Variants in INPP5J observed in about 807,000 individuals in gnomAD.
INPP5J encodes the protein phosphatidylinositol 4,5-bisphosphate 5-phosphatase A.
Under a neutral mutation model 86.6 loss-of-function variants are expected in INPP5J, and 75 were observed. The ratio of observed to expected loss-of-function variants is 0.87; its 90% CI spans 0.72 to 1.05. The LOEUF (loss-of-function observed/expected upper bound fraction) is 1.05, where lower values mean the gene tolerates loss of function less well. Among genes scored for constraint, INPP5J ranks in the 50% least tolerant of loss-of-function variants. The probability of loss-of-function intolerance (pLI) is 0.00; values close to 1 mark genes in which losing one functional copy is unlikely to be tolerated. For missense variants in INPP5J, 1,229 were observed against 1,341.2 expected (o/e 0.92, Z 1.31); for synonymous variants, 540 against 550.0 (o/e 0.98, Z 0.25).
At chr22:31,129,401 C>A (rs527513100) in intron 9 of INPP5J, among the ~76,000 whole-genome samples, 1 of 148,398 alleles carries the variant, frequency 6.7e-6, no homozygotes, top group South Asian at 2.2e-4. Flanking sequence ...CCGTCATGCC[C>A]GGCTAATTTT....
In INPP5J at chr22:31,127,351, CCCTA is replaced by C. The variant is rs1602733051; in HGVS notation, c.1612-5_1612-2del. The C allele has an allele frequency of 1.2e-6, 2 of 1,605,404 alleles. No homozygotes were observed. Among genetic ancestry groups the C allele is most frequent in the Non-Finnish European group, 1.7e-6 (2 of 1,175,744 alleles). On this transcript the variant is annotated splice_acceptor_variant and splice_polypyrimidine_tract_variant and intron_variant, in intron 5 of 12. Transcript: ENST00000331075. LOFTEE classifies it high-confidence loss of function. The stretch of plus-strand genomic sequence containing the variant: ...GCCCATGAGCCATCCGACCCTGCCT[CCCTA>C]GGGTAACAAGGGTGGCGTGAGCGTG...
chr22:31,127,139 CT>C, intron 5 of INPP5J, 102 bp downstream of exon 5: 1 of 906,114 alleles, frequency 1.1e-6, no homozygotes, highest in Non-Finnish European at 1.7e-6. Context: ...ATCCTCCACC[CT>C]TTACCCTGCG....
Position 31,127,427 on chromosome 22 carries a change from T to C in INPP5J, c.1682T>C (p.Leu561Ser). The C allele has an allele frequency of 6.2e-7, 1 of 1,613,868 alleles. No individual in the cohort carries two copies. Among genetic ancestry groups the C allele is most frequent in the South Asian group, 1.1e-5 (1 of 91,048 alleles). Residue 561 changes from leucine (L) to serine (S), a missense_variant, in exon 6 of 13, where the codon TTG (leucine) becomes TCG (serine). Transcript: ENST00000331075. The part of the protein sequence containing the change: ...GHMLCFLNCH[L>S]PAHMDKAEQR... Reference sequence around the variant, plus strand: ...ATGCTCTGCTTCCTGAACTGCCACTTGCCTGCGCATATGGACAAGGCGGAG... The same window carrying C: ...ATGCTCTGCTTCCTGAACTGCCACTCGCCTGCGCATATGGACAAGGCGGAG...
At chr22:31,131,144 G>A (rs1922029821) in intron 9 of INPP5J, among the ~76,000 whole-genome samples, 1 of 152,208 alleles carries the variant, frequency 6.6e-6, no homozygotes, top group South Asian at 2.1e-4. Flanking sequence ...CGCTTGGCCT[G>A]CCATGACCTC....
rs1187068647 is a variant in INPP5J, at chr22:31,126,479, A to T, written c.1375A>T (p.Ile459Phe). ...GGDDSDGADM[I>F]AIGLQEVNSM... ...TGACGACAGCGACGGCGCAGACATG[A>T]TCGCCATAGGGTGAGGTGGCAGGGC... Residue 459 changes from isoleucine (I) to phenylalanine (F), a missense_variant, in exon 3 of 13, where the codon ATC (isoleucine) becomes TTC (phenylalanine). Ile to Phe is a conservative substitution (Grantham distance 21, BLOSUM62 0). Transcript: ENST00000331075. 2.5e-6 allele frequency: 4 copies of T among 1,613,484 alleles called. No individual in the cohort carries two copies. Among genetic ancestry groups the T allele is most frequent in the African/African-American group, 1.3e-5 (1 of 74,890 alleles).
At chr22:31,123,198 C>T (rs1327688359) in intron 1 of INPP5J, 79 bp downstream of exon 1, 3 of 851,438 alleles carry the variant, frequency 3.5e-6, no homozygotes, top group East Asian at 6.7e-5. Flanking sequence ...ACTGCAGGCT[C>T]CCTGGTGCTC....
At position 31,133,112 on chromosome 22, in the gene INPP5J, C is replaced by T. The variant is rs1157568651; in HGVS notation, c.2208C>T (p.Asp736=). Reference sequence around the variant, plus strand: ...TGCCTGGACAGTTTGCCTTCAGGGACGACATGCCACTGGTGCGGCTGGAGG... The same window carrying T: ...TGCCTGGACAGTTTGCCTTCAGGGATGACATGCCACTGGTGCGGCTGGAGG... ...AQFLLQFAFR[D]DMPLVRLEVA... is the part of the protein sequence containing the mutation. The change falls in exon 10 of 13, where the codon GAC becomes GAT. Residue 736 remains aspartate (D), a synonymous_variant. Transcript: ENST00000331075. 5.8e-6 allele frequency: 9 copies of T among 1,563,118 alleles called. No homozygotes were observed. Among genetic ancestry groups the T allele is most frequent in the South Asian group, 2.4e-5 (2 of 84,902 alleles).
chr22:31,126,979 T>C lies in INPP5J; in HGVS notation c.1553T>C (p.Leu518Pro). 1.2e-6 allele frequency: 2 copies of C among 1,610,578 alleles called. No individual in the cohort carries two copies. Among genetic ancestry groups the C allele is most frequent in the Non-Finnish European group, 1.7e-6 (2 of 1,178,504 alleles). ...CTGCTGTTCGCCAAGTACTACCACC[T>C]GCCCTTCCTGCGAGACGTGCAGACC... ...ILLLFAKYYH[L>P]PFLRDVQTDC... The change falls in exon 5 of 13, where the codon CTG becomes CCG. Residue 518 changes from leucine to proline, a missense_variant. By Grantham distance (98) the Leu-to-Pro change is moderately conservative (BLOSUM62 -3). Transcript: ENST00000331075.
In INPP5J at chr22:31,134,082, C is replaced by A; in HGVS notation, c.2684C>A (p.Pro895His). ...CGCAGCCCGGGACTGGCCAGGTTCC[C>A]TGGGCTTGCCCTACGGCCCTCATCC... ...RSRSPGLARF[P>H]GLALRPSSRE... The change falls in exon 13 of 13, where the codon CCT becomes CAT. Residue 895 changes from proline to histidine, a missense_variant. Transcript: ENST00000331075. The A allele has an allele frequency of 6.4e-7, 1 of 1,564,442 alleles. No individual in the cohort carries two copies. The highest frequency in any genetic ancestry group is 8.7e-7 in the Non-Finnish European group (1 of 1,155,622).
chr22:31,128,381 G>A, intron 8 of INPP5J, 58 bp downstream of exon 8: 1 of 1,568,170 alleles, frequency 6.4e-7, no homozygotes. Flanking sequence ...CTCGAACAGG[G>A]AGACTTTGGG....
chr22:31,128,678 C>T (rs376558715), intron 9 of INPP5J, 24 bp downstream of exon 9: 58 of 1,543,274 alleles, frequency 3.8e-5, no homozygotes, highest in Middle Eastern at 1.8e-4. Context: ...TCATCCTCCC[C>T]GCATGAAATC....
At chr22:31,131,272 A>G (rs1922041073) in intron 9 of INPP5J, among the ~76,000 whole-genome samples, 1 of 152,066 alleles carries the variant, frequency 6.6e-6, no homozygotes, top group South Asian at 2.1e-4. Context: ...GTCCCTTTAA[A>G]AACATTTCCC....
rs181584370 is a variant in INPP5J, at chr22:31,134,285, G to A, written c.2887G>A (p.Ala963Thr). ...AVPRSLGLLP[A>T]LRLETVDPGG... ...GCCTCGAAGCCTGGGCCTGTTGCCC[G>A]CCTTGCGCCTAGAGACTGTAGACCC... is the stretch of plus-strand genomic sequence containing the variant. The change falls in exon 13 of 13, where the codon GCC (alanine) becomes ACC (threonine). Residue 963 changes from alanine (A) to threonine (T), a missense_variant. Transcript: ENST00000331075. 1,481 of 1,554,412 alleles carry A rather than the reference G, an allele frequency of 9.5e-4. 10 individuals carry two copies. In the African/African-American group the frequency reaches 0.016, roughly 16 times the overall value.
intron 7 of INPP5J, 71 bp downstream of exon 7, chr22:31,128,133 T>G: frequency 7.0e-7 from 1 of 1,435,696 alleles, no homozygotes; most frequent in Non-Finnish European, 9.7e-7. Context: ...CTATGGTCCC[T>G]GTCCTCACCT....
At chr22:31,126,209 C>T in intron 2 of INPP5J, 167 bp from the exon 3 acceptor site, 1 of 789,836 alleles carries the variant, frequency 1.3e-6, no homozygotes, top group South Asian at 1.8e-5. Context: ...GTTGATCTCC[C>T]CAGGGAGAGT....
At chr22:31,123,188 A>G in intron 1 of INPP5J, 69 bp downstream of exon 1, 2 of 885,498 alleles carry the variant, frequency 2.3e-6, no homozygotes, top group Non-Finnish European at 3.2e-6. Context: ...CCCCACATAC[A>G]CTGCAGGCTC....
chr22:31,133,512 C>A, intron 11 of INPP5J, 29 bp downstream of exon 11: 6 of 1,607,442 alleles, frequency 3.7e-6, no homozygotes, highest in South Asian at 1.1e-5. Flanking sequence ...AGAGTCAGGG[C>A]AAGTCCTTGT....
chr22:31,128,450 G>A (rs1921723664), intron 8 of INPP5J, 21 bp from the exon 9 acceptor site: 1 of 1,612,408 alleles, frequency 6.2e-7, no homozygotes, highest in Non-Finnish European at 8.5e-7. Context: ...CTGAAACTTG[G>A]GGTACCCCTG....
intron 9 of INPP5J, among the ~76,000 whole-genome samples, chr22:31,130,629 A>G (rs776764889): frequency 6.6e-6 from 1 of 152,190 alleles, no homozygotes; most frequent in Non-Finnish European, 1.5e-5. Flanking sequence ...ATCAAACTCC[A>G]TGTAACATTC....
Sources: gnomAD v4.1 joint callset for allele counts (sites outside exome capture counted in the v4.1 genomes callset) on GRCh38, gnomAD v4.1.1 for gene constraint, MANE v1.5 for transcripts, NCBI Gene and HGNC (gene_info 2026-07-23, HGNC 2026-07-21) for gene names.